DUOX1: variants seen among roughly 807,000 people sequenced by gnomAD.
DUOX1 encodes NADPH thyroid oxidase 1.
Under a neutral mutation model 181.8 loss-of-function variants are expected in DUOX1, and 134 were observed. The observed-to-expected ratio is 0.74, with a 90% CI of 0.64 to 0.85. DUOX1 has a LOEUF of 0.85. Ranked by LOEUF, DUOX1 falls within the 40% of genes least tolerant of loss-of-function variation. The pLI is 0.00. For missense variants in DUOX1, 1,814 were observed against 2,064.4 expected (o/e 0.88, Z 2.35); for synonymous variants, 798 against 832.5 (o/e 0.96, Z 0.71).
intron 15 of DUOX1, among the ~76,000 whole-genome samples, chr15:45,142,773 A>AAGGAAGGAAGGG (rs1896537337): frequency 9.1e-6 from 1 of 109,784 alleles, no homozygotes; most frequent in African/African-American, 2.9e-5. Flanking sequence ...GGAAAGAAGG[A>AAGGAAGGAAGGG]AGGAAGGAAG....
Position 45,135,588 on chromosome 15 carries a change from G to C in DUOX1, c.610G>C (p.Ala204Pro). ...RGQLASGPDP[A>P]FPRDSQNPLL... ...ACAGCTGGCGTCGGGGCCCGACCCC[G>C]CTTTTCCCCGAGACTCGCAGAACCC... The change falls in exon 6 of 34, where the codon GCT becomes CCT. Residue 204 changes from alanine to proline, a missense_variant. This residue lies in a region of DUOX1 where 320 missense variants were observed against 313.1 expected (regional missense o/e 1.02). Coordinates refer to ENST00000389037, the MANE Select transcript of DUOX1 (RefSeq NM_175940.3). The C allele has an allele frequency of 3.2e-6, 5 of 1,563,930 alleles. No homozygotes were observed. Among genetic ancestry groups the C allele is most frequent in the Non-Finnish European group, 4.3e-6 (5 of 1,155,430 alleles).
intron 28 of DUOX1, among the ~76,000 whole-genome samples, chr15:45,159,665 T>C (rs945525021): frequency 5.3e-5 from 8 of 152,042 alleles, no homozygotes; most frequent in Non-Finnish European, 1.0e-4. Flanking sequence ...AGTTATTACA[T>C]GGAAAAGGGA....
chr15:45,163,439 C>G, intron 31 of DUOX1, 93 bp from the exon 32 acceptor site: 3 of 1,549,954 alleles, frequency 1.9e-6, no homozygotes, highest in Non-Finnish European at 2.6e-6. Flanking sequence ...CACAAGCTAG[C>G]TGTGGTCAGA....
Position 45,148,362 on chromosome 15 carries a change from C to A in DUOX1, c.2733C>A (p.Asp911Glu), listed in dbSNP as rs1471152614. ...ESMFRESGFQ[D>E]KEELTWEDFH... Reference sequence around the variant, plus strand: ...TGTTCCGGGAGTCGGGATTCCAGGACAAGGAGGAACTGACATGGGAAGATT... The same window carrying A: ...TGTTCCGGGAGTCGGGATTCCAGGAAAAGGAGGAACTGACATGGGAAGATT... The change falls in exon 21 of 34, where the codon GAC (aspartate) becomes GAA (glutamate). Residue 911 changes from aspartate to glutamate, a missense_variant. Around this residue, in one of 5 missense-constraint regions of DUOX1, gnomAD observed 1,064 missense variants for 1,152.9 expected, o/e 0.92. Coordinates refer to ENST00000389037, the MANE Select transcript of DUOX1 (RefSeq NM_175940.3). 6.2e-7 allele frequency: 1 copy of A among 1,614,178 alleles called. No individual in the cohort carries two copies. The highest frequency in any genetic ancestry group is 1.7e-5 in the Admixed American group (1 of 60,024).
Position 45,157,529 on chromosome 15 carries a change from G to A in DUOX1, c.3702+1600G>A, listed in dbSNP as rs947671879. ...CTGCCAGCAGGAAAGTCAGGGGTTC[G>A]AAAGGTGTGGCCGGGCACAGTGGCT... On this transcript the variant is annotated intron_variant, in intron 28 of 33. Transcript: ENST00000389037. Among the ~76,000 whole-genome samples the A allele has an allele frequency of 4.6e-5, 7 of 152,166 alleles. No homozygotes were observed. The East Asian group carries it at 1.2e-3, about 25-fold the overall frequency.
chr15:45,142,794 A>AAGGAAGGAAGGAAGGAAGGAAGGAT, intron 15 of DUOX1, among the ~76,000 whole-genome samples: 1 of 144,190 alleles, frequency 6.9e-6, no homozygotes, highest in Admixed American at 6.9e-5. Context: ...GAAGGGAGGG[A>AAGGAAGGAAGGAAGGAAGGAAGGAT]GGAAGGGAGG....
intron 28 of DUOX1, among the ~76,000 whole-genome samples, chr15:45,157,521 A>G (rs1430015500): frequency 6.6e-6 from 1 of 152,094 alleles, no homozygotes; most frequent in African/African-American, 2.4e-5. Context: ...CAGGAAAGTC[A>G]GGGGTTCGAA....
Position 45,160,957 on chromosome 15 carries a change from A to G in DUOX1, c.3823A>G (p.Ile1275Val), listed in dbSNP as rs779771707. Residue 1275 changes from isoleucine to valine, a missense_variant, in exon 29 of 34, where the codon ATC (isoleucine) becomes GTC (valine). Coordinates refer to ENST00000389037, the MANE Select transcript of DUOX1 (RefSeq NM_175940.3). ...GAGCCTGAGCCGGAAGAAGGTGGAG[A>G]TCAGCGTGGTGAAGGCGGAGCTGCT... is the stretch of plus-strand genomic sequence containing the variant. ...LVSLSRKKVE[I>V]SVVKAELLPS... is the part of the protein sequence containing the mutation. The G allele has an allele frequency of 6.2e-7, 1 of 1,614,130 alleles. No individual in the cohort carries two copies. Among genetic ancestry groups the G allele is most frequent in the South Asian group, 1.1e-5 (1 of 91,080 alleles).
chr15:45,161,598 C>A (rs1272005431), intron 29 of DUOX1, 140 bp from the exon 30 acceptor site: 1 of 759,034 alleles, frequency 1.3e-6, no homozygotes, highest in Non-Finnish European at 2.2e-6. Flanking sequence ...CCTGGGCCCC[C>A]ACAGGGTGAG....
chr15:45,150,265 G>T, intron 21 of DUOX1: 1 of 227,046 alleles, frequency 4.4e-6, no homozygotes, highest in Non-Finnish European at 8.7e-6. Context: ...TCTACATTTA[G>T]CTCTTGGAGG....
In DUOX1 at chr15:45,163,911, A is replaced by G. The variant is rs751073260; in HGVS notation, c.4526A>G (p.His1509Arg). Reference sequence around the variant, plus strand: ...TTCTTCAACTCCCTGCAGGAGGTCCACCCCCAGGTCAGTCCAACCCATAAC... The same window carrying G: ...TTCTTCAACTCCCTGCAGGAGGTCCGCCCCCAGGTCAGTCCAACCCATAAC... ...EPFFNSLQEVHPQVRKIGVFS... is the reference protein window; with the variant it reads ...EPFFNSLQEVRPQVRKIGVFS... Residue 1509 changes from histidine to arginine, a missense_variant, in exon 33 of 34, where the codon CAC (histidine) becomes CGC (arginine). Physicochemically the swap from His to Arg is conservative, Grantham distance 29. This residue lies in a region of DUOX1 where 124 missense variants were observed against 125.7 expected (regional missense o/e 0.99). Transcript: ENST00000389037. 6.5e-5 allele frequency: 105 copies of G among 1,613,562 alleles called. No individual in the cohort carries two copies. Among genetic ancestry groups the G allele is most frequent in the Non-Finnish European group, 8.2e-5 (97 of 1,179,870 alleles).
chr15:45,158,461 C>T (rs1280999437), intron 28 of DUOX1, among the ~76,000 whole-genome samples: 1 of 152,032 alleles, frequency 6.6e-6, no homozygotes, highest in African/African-American at 2.4e-5. Context: ...GTAATCCCAG[C>T]ATTTTGGGAG....
rs1305015934 is a variant in DUOX1 at position 45,152,276 on chromosome 15, C to T, written c.3194-10C>T. On this transcript the variant is annotated splice_polypyrimidine_tract_variant and intron_variant, in intron 24 of 33. Coordinates refer to ENST00000389037, the MANE Select transcript of DUOX1 (RefSeq NM_175940.3). Reference sequence around the variant, plus strand: ...TGACCCTCGCTTGCCTGCCTGGGCCCCCTCCACAGACTACGCCTTTGCCGC... The same window carrying T: ...TGACCCTCGCTTGCCTGCCTGGGCCTCCTCCACAGACTACGCCTTTGCCGC... The T allele has an allele frequency of 1.9e-6, 3 of 1,611,332 alleles. No individual in the cohort carries two copies. The highest frequency in any genetic ancestry group is 1.3e-5 in the African/African-American group (1 of 74,992).
At position 45,162,341 on chromosome 15, in the gene DUOX1, C is replaced by T. The variant is rs763571982; in HGVS notation, c.4212C>T (p.Phe1404=). Residue 1404 remains phenylalanine, a synonymous_variant, in exon 31 of 34, where the codon TTC becomes TTT. Transcript: ENST00000389037. The part of the protein sequence containing the change: ...PFASILKDLV[F]KSSVSCQVFC... Reference sequence around the variant, plus strand: ...CCTCCATCCTCAAAGACCTGGTCTTCAAGTCATCCGTCAGCTGCCAAGTGT... The same window carrying T: ...CCTCCATCCTCAAAGACCTGGTCTTTAAGTCATCCGTCAGCTGCCAAGTGT... The T allele has an allele frequency of 1.9e-6, 3 of 1,614,076 alleles. No individual in the cohort carries two copies. The South Asian group carries it at 3.3e-5, about 18-fold the overall frequency.
chr15:45,155,808 CG>C lies in DUOX1; in HGVS notation c.3586del (p.Val1196LeufsTer5), dbSNP rs778089783. 3.1e-6 allele frequency: 5 copies of C among 1,613,718 alleles called. No individual in the cohort carries two copies. The East Asian group carries it at 8.9e-5, about 29-fold the overall frequency. On this transcript the variant is annotated frameshift_variant, in exon 28 of 34. Coordinates refer to ENST00000389037, the MANE Select transcript of DUOX1 (RefSeq NM_175940.3). LOFTEE classifies it high-confidence loss of function. ...CCCTATATTCATTTTGCAGGCCTCA[CG>C]GGGGTTGTGCTGCTCCTGATCCTGG... is the stretch of plus-strand genomic sequence containing the variant. ...WWFFQTVPGL[T>X]GVVLLLILAI...
rs1392812730 is a variant in DUOX1, at chr15:45,147,528, G to A, written c.2418G>A (p.Glu806=). ...TGACCTGTGAGCTGAGCAGGGCCGA[G>A]TTTGCCGAGTCCCTGGGCCTCAAGC... ...EALTCELSRA[E]FAESLGLKPQ... Residue 806 remains glutamate, a synonymous_variant, in exon 19 of 34, where the codon GAG becomes GAA. Transcript: ENST00000389037. The A allele has an allele frequency of 6.2e-7, 1 of 1,614,140 alleles. No individual in the cohort carries two copies. Among genetic ancestry groups the A allele is most frequent in the South Asian group, 1.1e-5 (1 of 91,040 alleles).
At chr15:45,149,414 C>G (rs1211445620) in intron 21 of DUOX1, among the ~76,000 whole-genome samples, 1 of 152,218 alleles carries the variant, frequency 6.6e-6, no homozygotes, top group Admixed American at 6.5e-5. Flanking sequence ...GAGCCCACAC[C>G]ACAGAGTCCC....
chr15:45,148,329 G>A lies in DUOX1; in HGVS notation c.2700G>A (p.Val900=), dbSNP rs752754351. The A allele has an allele frequency of 6.8e-6, 11 of 1,614,104 alleles. No individual in the cohort carries two copies. The highest frequency in any genetic ancestry group is 1.1e-5 in the South Asian group (1 of 91,084). ...CLSKAQLAEV[V]ESMFRESGFQ... is the part of the protein sequence containing the mutation. Reference sequence around the variant, plus strand: ...CCAAGGCCCAGCTGGCTGAGGTGGTGGAGTCCATGTTCCGGGAGTCGGGAT... The same window carrying A: ...CCAAGGCCCAGCTGGCTGAGGTGGTAGAGTCCATGTTCCGGGAGTCGGGAT... Residue 900 remains valine (V), a synonymous_variant, in exon 21 of 34, where the codon GTG becomes GTA. Coordinates refer to ENST00000389037, the MANE Select transcript of DUOX1 (RefSeq NM_175940.3).
chr15:45,130,578 G>A (rs371087129), intron 1 of DUOX1, among the ~76,000 whole-genome samples: 1 of 152,208 alleles, frequency 6.6e-6, no homozygotes, highest in East Asian at 1.9e-4. Context: ...TCTGCCGCTG[G>A]CTCTGCCTGG....
Sources: allele counts gnomAD v4.1 joint callset (sites outside exome capture counted in the v4.1 genomes callset), GRCh38; gene constraint gnomAD v4.1.1; regional missense constraint gnomAD v4.1.1; transcripts MANE v1.5; gene names NCBI Gene and HGNC (gene_info 2026-07-23, HGNC 2026-07-21).